The following TASP1 variants were observed in gnomAD, a reference collection of about 807,000 sequenced individuals.
TASP1 encodes the protein taspase 1, also known as threonine aspartase 1.
A neutral mutation model predicts 56.6 loss-of-function variants in TASP1; 16 were observed. The observed-to-expected ratio is 0.28, with a 90% CI of 0.19 to 0.43. The LOEUF (loss-of-function observed/expected upper bound fraction) is 0.43, where lower values mean the gene tolerates loss of function less well. TASP1 is among the 20% of genes least tolerant of loss of function. The pLI is 1.00. For synonymous variants in TASP1, 179 were observed against 184.2 expected (o/e 0.97, Z 0.23); for missense variants, 393 against 511.6 (o/e 0.77, Z 2.24).
intron 8 of TASP1, among the ~76,000 whole-genome samples, chr20:13,548,462 T>C (rs2045879535): frequency 6.6e-6 from 1 of 151,852 alleles, no homozygotes; most frequent in Non-Finnish European, 1.5e-5. Context: ...AATGGAAAAA[T>C]ACATATAGAT....
chr20:13,403,947 G>T (rs2041829405), intron 13 of TASP1, among the ~76,000 whole-genome samples: 1 of 152,132 alleles, frequency 6.6e-6, no homozygotes, highest in East Asian at 1.9e-4. Context: ...TCAAAAAACA[G>T]AGGTATGATT....
chr20:13,219,669 C>T, the TASP1 span, among the ~76,000 whole-genome samples: 1 of 151,964 alleles, frequency 6.6e-6, no homozygotes, highest in Non-Finnish European at 1.5e-5. Context: ...TAATAAGATG[C>T]TGGAGTTAGT....
chr20:13,554,386 G>A lies in TASP1; in HGVS notation c.675+4622C>T, dbSNP rs752051358. ...AAACTAATCAAATGTAAGTATAAAC[G>A]GTCAAAGACTAAAGAAAACAAGAGC... On this transcript the variant is annotated intron_variant, in intron 8 of 13. Transcript: ENST00000337743. Among the ~76,000 whole-genome samples, 35 of 146,248 alleles carry A rather than the reference G, an allele frequency of 2.4e-4. No individual in the cohort carries two copies. In the East Asian group the frequency reaches 3.2e-3, roughly 14 times the overall value.
chr20:13,343,021 C>T, the TASP1 span, among the ~76,000 whole-genome samples: 1 of 152,180 alleles, frequency 6.6e-6, no homozygotes, highest in Non-Finnish European at 1.5e-5. Context: ...GGAATGGAGC[C>T]TTCTCCTGAG....
At chr20:13,110,734 G>T in the TASP1 span, among the ~76,000 whole-genome samples, 2 of 152,098 alleles carry the variant, frequency 1.3e-5, no homozygotes. Context: ...TCTTGTTCCA[G>T]AGCCAGCGGG....
At chr20:13,342,828 C>G in the TASP1 span, among the ~76,000 whole-genome samples, 4 of 152,172 alleles carry the variant, frequency 2.6e-5, no homozygotes, top group African/African-American at 9.7e-5. Flanking sequence ...CAGGGTGCCT[C>G]CAGATGGGGG....
chr20:13,316,291 T>C, the TASP1 span, among the ~76,000 whole-genome samples: 1 of 151,940 alleles, frequency 6.6e-6, no homozygotes, highest in East Asian at 1.9e-4. Context: ...GGAAATTGAA[T>C]TGATAATTAA....
chr20:13,377,505 G>C, the TASP1 span, among the ~76,000 whole-genome samples: 1 of 152,208 alleles, frequency 6.6e-6, no homozygotes, highest in Non-Finnish European at 1.5e-5. Context: ...TTGCATCAGT[G>C]TTCATCAGGG....
At chr20:13,538,002 CTTTT>C (rs202194017) in intron 8 of TASP1, among the ~76,000 whole-genome samples, 2 of 139,584 alleles carry the variant, frequency 1.4e-5, no homozygotes, top group Admixed American at 7.3e-5. Context: ...ATCTATCAGT[CTTTT>C]TTTTTTTTTT....
chr20:13,260,152 T>A, the TASP1 span, among the ~76,000 whole-genome samples: 1 of 152,192 alleles, frequency 6.6e-6, no homozygotes, highest in African/African-American at 2.4e-5. Context: ...TACAGGCAGG[T>A]GGCAAAGGGA....
the TASP1 span, among the ~76,000 whole-genome samples, chr20:13,124,704 A>G: frequency 6.6e-6 from 1 of 152,314 alleles, no homozygotes; most frequent in East Asian, 1.9e-4. Context: ...ACTGTAAGGC[A>G]GGCCACACAC....
At chr20:13,617,651 G>A (rs1346740414) in intron 4 of TASP1, among the ~76,000 whole-genome samples, 1 of 152,134 alleles carries the variant, frequency 6.6e-6, no homozygotes, top group African/African-American at 2.4e-5. Context: ...GGAAACTGGA[G>A]ATGCTCGTTT....
the TASP1 span, among the ~76,000 whole-genome samples, chr20:13,233,917 A>G: frequency 4.6e-5 from 7 of 152,224 alleles, no homozygotes; most frequent in Non-Finnish European, 1.0e-4. Context: ...TTGTTATAAA[A>G]TAAGAGTTTT....
At chr20:13,419,485 C>T (rs1408979418) in intron 12 of TASP1, among the ~76,000 whole-genome samples, 2 of 152,226 alleles carry the variant, frequency 1.3e-5, no homozygotes, top group African/African-American at 2.4e-5. Context: ...CCACAAAGCT[C>T]TGTCACATTC....
At chr20:13,594,982 T>G (rs1384624009) in intron 4 of TASP1, among the ~76,000 whole-genome samples, 1 of 152,016 alleles carries the variant, frequency 6.6e-6, no homozygotes, top group African/African-American at 2.4e-5. Context: ...GAAAGAAATG[T>G]CAGGTTACCC....
the TASP1 span, among the ~76,000 whole-genome samples, chr20:13,206,858 G>A: frequency 1.3e-5 from 2 of 152,198 alleles, no homozygotes; most frequent in Non-Finnish European, 1.5e-5. Flanking sequence ...AACAAATGGG[G>A]TTGGTGAATG....
intron 3 of TASP1, among the ~76,000 whole-genome samples, chr20:13,624,258 C>A (rs1371040666): frequency 6.6e-6 from 1 of 151,888 alleles, no homozygotes; most frequent in Non-Finnish European, 1.5e-5. Context: ...GCTAAGTATA[C>A]GATTCAAATG....
chr20:13,486,140 T>C (rs967954633), intron 10 of TASP1, among the ~76,000 whole-genome samples: 3 of 152,334 alleles, frequency 2.0e-5, no homozygotes, highest in East Asian at 1.9e-4. Context: ...GTTTGACTTA[T>C]GTGCTCTTAC....
rs2147378522 is a variant in TASP1, at chr20:13,604,079, C to A, written c.283-16709G>T. Among the ~76,000 whole-genome samples, 2 of 152,266 alleles carry A rather than the reference C, an allele frequency of 1.3e-5. 1 individual carries two copies. The highest frequency in any genetic ancestry group is 4.1e-4 in the South Asian group (2 of 4,824). ...GTAATTTTCCATCCACTGACTCCTACCCAGTTTTTTAGCTATAAATTGTCA... is the reference window on the plus strand; with the variant it reads ...GTAATTTTCCATCCACTGACTCCTAACCAGTTTTTTAGCTATAAATTGTCA... On this transcript the variant is annotated intron_variant, in intron 4 of 13. Coordinates refer to ENST00000337743, the MANE Select transcript of TASP1 (RefSeq NM_017714.3).
Sources: allele counts gnomAD v4.1 joint callset (sites outside exome capture counted in the v4.1 genomes callset), GRCh38; gene constraint gnomAD v4.1.1; transcripts MANE v1.5; gene names NCBI Gene and HGNC (gene_info 2026-07-23, HGNC 2026-07-21).